Variants in CSNK1A1 observed in about 807,000 individuals in gnomAD.
CSNK1A1 encodes casein kinase 1 alpha 1, also known as casein kinase I isoform alpha.
In CSNK1A1, 7 loss-of-function variants were observed where a neutral mutation model predicts 46.1. The observed-to-expected ratio is 0.15, with a 90% confidence interval of 0.09 to 0.29. CSNK1A1 has a LOEUF of 0.29. CSNK1A1 is among the 10% of genes least tolerant of loss of function. The pLI, the probability that CSNK1A1 is intolerant of heterozygous loss-of-function variation, is 1.00. For synonymous variants in CSNK1A1, 137 were observed against 141.5 expected, an observed-to-expected ratio of 0.97 and a Z score of 0.23; for missense variants, 96 against 417.1, an observed-to-expected ratio of 0.23 and a Z score of 6.71.
At chr5:149,548,744 G>C (rs1398813851) in intron 2 of CSNK1A1, among the ~76,000 whole-genome samples, 1 of 152,132 alleles carries the variant, frequency 6.6e-6, no homozygotes, top group Non-Finnish European at 1.5e-5. Context: ...AGCTACTCAG[G>C]AGGCTGAGGC....
chr5:149,530,834 T>C (rs1405356946), intron 2 of CSNK1A1, among the ~76,000 whole-genome samples: 3 of 151,634 alleles, frequency 2.0e-5, no homozygotes, highest in Admixed American at 2.0e-4. Flanking sequence ...GGCATGGTGG[T>C]GGGCGCCTAT....
intron 9 of CSNK1A1, chr5:149,503,587 G>A (rs1760939083): frequency 1.0e-6 from 1 of 984,528 alleles, no homozygotes; most frequent in Middle Eastern, 5.2e-4. Flanking sequence ...AAGATTTTAA[G>A]TTGCTTTTAC....
At chr5:149,522,257 G>A (rs1211057735) in intron 3 of CSNK1A1, among the ~76,000 whole-genome samples, 1 of 152,010 alleles carries the variant, frequency 6.6e-6, no homozygotes, top group East Asian at 1.9e-4. Context: ...ACGGACATGC[G>A]CGTTACCATG....
At chr5:149,506,397 C>G (rs978968120) in intron 8 of CSNK1A1, among the ~76,000 whole-genome samples, 1 of 151,946 alleles carries the variant, frequency 6.6e-6, no homozygotes, top group African/African-American at 2.4e-5. Context: ...CCACCTCACC[C>G]GGCTAATTTT....
At chr5:149,542,923 G>A (rs937640929) in intron 2 of CSNK1A1, among the ~76,000 whole-genome samples, 4 of 151,016 alleles carry the variant, frequency 2.6e-5, no homozygotes, top group Non-Finnish European at 5.9e-5. Context: ...TCGAACTCCT[G>A]ACCTCAGGTG....
chr5:149,549,816 G>A (rs116336153), intron 2 of CSNK1A1, among the ~76,000 whole-genome samples: 3,887 of 152,246 alleles, frequency 0.026, 167 homozygotes, highest in African/African-American at 0.09. Flanking sequence ...TGACCTGCAC[G>A]CATAACTGCA....
intron 9 of CSNK1A1, chr5:149,501,174 T>C (rs1760844578): frequency 1.0e-6 from 1 of 985,388 alleles, no homozygotes; most frequent in Non-Finnish European, 1.2e-6. Context: ...CTTGGAGACA[T>C]GGACTCCAGA....
Position 149,525,611 on chromosome 5 carries a change from T to C in CSNK1A1, c.231-440A>G, listed in dbSNP as rs541859064. Among the ~76,000 whole-genome samples, 2 of 152,344 alleles carry C rather than the reference T, an allele frequency of 1.3e-5. No individual in the cohort carries two copies. The highest frequency in any genetic ancestry group is 4.8e-5 in the African/African-American group (2 of 41,574). On this transcript the variant is annotated intron_variant, in intron 2 of 9. Coordinates refer to ENST00000377843, the MANE Select transcript of CSNK1A1 (RefSeq NM_001892.6). The surrounding 1 kb of genome is among the most constrained non-coding windows in gnomAD (Gnocchi z 4.2). Reference sequence around the variant, plus strand: ...AACTTCGATTCCAGTTCCTACCAAATTGCATTTAATCAATAATTACTTGTC... The same window carrying C: ...AACTTCGATTCCAGTTCCTACCAAACTGCATTTAATCAATAATTACTTGTC...
intron 6 of CSNK1A1, among the ~76,000 whole-genome samples, chr5:149,510,864 A>G (rs1761197748): frequency 6.6e-6 from 1 of 152,240 alleles, no homozygotes; most frequent in Admixed American, 6.5e-5. Context: ...AATTAGTGAC[A>G]TTAATAAATG....
intron 2 of CSNK1A1, among the ~76,000 whole-genome samples, chr5:149,546,828 G>A (rs1762498135): frequency 6.6e-6 from 1 of 152,180 alleles, no homozygotes. Flanking sequence ...AATACTTTCC[G>A]AGTAAATATT....
intron 9 of CSNK1A1, among the ~76,000 whole-genome samples, chr5:149,499,651 T>G (rs1394269293): frequency 2.0e-5 from 3 of 151,794 alleles, no homozygotes; most frequent in Non-Finnish European, 4.4e-5. Context: ...GTCTTGCTGT[T>G]ATGTTGCCCA....
chr5:149,542,672 GTATATATA>G (rs1200603954), intron 2 of CSNK1A1, among the ~76,000 whole-genome samples: 2 of 4,796 alleles, frequency 4.2e-4, no homozygotes, highest in South Asian at 0.012. Flanking sequence ...ATATATATAT[GTATATATA>G]TATATATATA....
intron 9 of CSNK1A1, chr5:149,498,762 A>AT: frequency 1.0e-6 from 1 of 985,326 alleles, no homozygotes; most frequent in Non-Finnish European, 1.2e-6. Context: ...TATGGTGAAT[A>AT]TACCAAATGG....
Position 149,496,674 on chromosome 5 carries a change from A to T in CSNK1A1, c.*179T>A. ...ACAATTACAGAGGCTACAACTCAGG[A>T]TACAGCATCACCAATGCTGCCCAGA... On this transcript the variant is annotated 3_prime_UTR_variant, in exon 10 of 10. Coordinates refer to ENST00000377843, the MANE Select transcript of CSNK1A1 (RefSeq NM_001892.6). 1.5e-6 allele frequency: 1 copy of T among 678,940 alleles called. No individual in the cohort carries two copies. 42.1% of individuals were successfully genotyped at this position (678,940 alleles called of 1,614,324 possible).
intron 9 of CSNK1A1, chr5:149,502,670 T>C (rs1760907832): frequency 2.0e-6 from 2 of 983,946 alleles, no homozygotes; most frequent in South Asian, 4.7e-5. Flanking sequence ...CCACTGCGCC[T>C]GTCCTAAAGT....
chr5:149,499,944 TG>T (rs1450910343), intron 9 of CSNK1A1, among the ~76,000 whole-genome samples: 1 of 149,158 alleles, frequency 6.7e-6, no homozygotes, highest in Non-Finnish European at 1.5e-5. Flanking sequence ...ATAACATGGT[TG>T]TGGGGTTTTT....
rs1760625105 is a variant in CSNK1A1 at position 149,495,474 on chromosome 5, G to C, written c.*1379C>G. 6.6e-6 allele frequency: 1 copy of C among 152,154 alleles called. No individual in the cohort carries two copies. Among genetic ancestry groups the C allele is most frequent in the African/African-American group, 2.4e-5 (1 of 41,436 alleles). 9.4% of individuals were successfully genotyped at this position (152,154 alleles called of 1,614,324 possible). A position where few individuals can be genotyped will look rare whatever the true frequency, so the allele number is the denominator to read the frequency against. On this transcript the variant is annotated 3_prime_UTR_variant, in exon 10 of 10. Coordinates refer to ENST00000377843, the MANE Select transcript of CSNK1A1 (RefSeq NM_001892.6). ...GAAATGAGCGTGCAAAGAAGATTGA[G>C]AGGAAGCGCACGCACACAGATAACT...
rs181280263 is a variant in CSNK1A1, at chr5:149,542,189, C to T, written c.230+7886G>A. On this transcript the variant is annotated intron_variant, in intron 2 of 9. Transcript: ENST00000377843. Reference sequence around the variant, plus strand: ...ATAGGAACGCAAACCCTGCTGTGAACTGCACATCAGAGGGATCTAGGTTGT... The same window carrying T: ...ATAGGAACGCAAACCCTGCTGTGAATTGCACATCAGAGGGATCTAGGTTGT... 4.1e-3 allele frequency among the ~76,000 whole-genome samples: 619 copies of T among 151,958 alleles called. 7 individuals are homozygous for T. The highest frequency in any genetic ancestry group is 6.2e-3 in the Admixed American group (94 of 15,232).
chr5:149,507,991 G>A (rs894176476), intron 7 of CSNK1A1, among the ~76,000 whole-genome samples: 1 of 152,112 alleles, frequency 6.6e-6, no homozygotes, highest in African/African-American at 2.4e-5. Flanking sequence ...GTCACCAAAA[G>A]GATTTCCCCA....
Sources: gnomAD v4.1 joint callset for allele counts (sites outside exome capture counted in the v4.1 genomes callset) on GRCh38, gnomAD v4.1.1 for gene constraint, Gnocchi (gnomAD v3.1) non-coding constraint, MANE v1.5 for transcripts, NCBI Gene and HGNC (gene_info 2026-07-23, HGNC 2026-07-21) for gene names.